Variants in ADGB observed in about 807,000 individuals in gnomAD.
ADGB encodes calpain-7-like protein.
ADGB carries 172 observed loss-of-function variants against 210.5 expected under a neutral mutation model. The observed-to-expected ratio is 0.82, with a 90% CI of 0.72 to 0.93. The LOEUF (loss-of-function observed/expected upper bound fraction) is 0.93. Ranked by LOEUF, ADGB falls within the 40% of genes least tolerant of loss-of-function variation. The probability of loss-of-function intolerance (pLI) is 0.00; values close to 1 mark genes in which losing one functional copy is unlikely to be tolerated. For missense variants in ADGB, 2,025 were observed against 1,964.8 expected, an observed-to-expected ratio of 1.03 and a Z score of -0.58; for synonymous variants, 658 against 662.7, an observed-to-expected ratio of 0.99 and a Z score of 0.11.
At chr6:146,764,715 T>G (rs1777547636) in intron 28 of ADGB, among the ~76,000 whole-genome samples, 2 of 152,218 alleles carry the variant, frequency 1.3e-5, no homozygotes, top group Admixed American at 1.3e-4. Flanking sequence ...TTAAACAAAC[T>G]GCTGTAGAAA....
At chr6:146,751,827 G>A (rs1777327385) in intron 26 of ADGB, among the ~76,000 whole-genome samples, 1 of 151,998 alleles carries the variant, frequency 6.6e-6, no homozygotes, top group Non-Finnish European at 1.5e-5. Flanking sequence ...AGTTTTATAA[G>A]TGACTGCTTA....
intron 33 of ADGB, among the ~76,000 whole-genome samples, chr6:146,791,921 CTTTTTTTTTTT>C (rs66891404): frequency 1.8e-5 from 2 of 112,492 alleles, no homozygotes; most frequent in Non-Finnish European, 3.5e-5. Context: ...CTGCACCTTG[CTTTTTTTTTTT>C]TTTTTTTTTT....
chr6:146,701,471 G>T (rs1283381009), intron 13 of ADGB, among the ~76,000 whole-genome samples: 1 of 151,930 alleles, frequency 6.6e-6, no homozygotes, highest in African/African-American at 2.4e-5. Context: ...CACAGTGTTA[G>T]TGGCTGTATT....
At chr6:146,671,539 G>T (rs1776008760) in intron 7 of ADGB, among the ~76,000 whole-genome samples, 2 of 152,116 alleles carry the variant, frequency 1.3e-5, no homozygotes, top group Admixed American at 6.6e-5. Flanking sequence ...CCTGTTAGGT[G>T]GTTGTATGTG....
chr6:146,673,514 A>G (rs1776044483), intron 8 of ADGB, among the ~76,000 whole-genome samples: 1 of 152,250 alleles, frequency 6.6e-6, no homozygotes, highest in Non-Finnish European at 1.5e-5. Context: ...GGACTTTAGG[A>G]CTTATAATGG....
chr6:146,747,796 T>G (rs1196009333), intron 26 of ADGB, among the ~76,000 whole-genome samples: 1 of 148,646 alleles, frequency 6.7e-6, no homozygotes, highest in Non-Finnish European at 1.5e-5. Context: ...TTTTTTTTTT[T>G]GAGACAGAGT....
chr6:146,673,469 G>A (rs1168168437), intron 8 of ADGB, among the ~76,000 whole-genome samples: 2 of 152,116 alleles, frequency 1.3e-5, no homozygotes, highest in African/African-American at 4.8e-5. Flanking sequence ...AAGTTTTTGT[G>A]ACAACAGCCA....
chr6:146,608,693 C>T (rs1236560931), intron 1 of ADGB, among the ~76,000 whole-genome samples: 2 of 151,956 alleles, frequency 1.3e-5, no homozygotes, highest in African/African-American at 4.8e-5. Flanking sequence ...TTTTAGAGAT[C>T]TTGGTTTTGA....
intron 23 of ADGB, 146 bp from the exon 24 acceptor site, chr6:146,740,313 C>T (rs572085880): frequency 1.4e-6 from 1 of 713,970 alleles, no homozygotes; most frequent in African/African-American, 1.8e-5. Context: ...TCAGGGACTA[C>T]ACAGACCCCC....
chr6:146,758,089 C>A (rs565611711), intron 27 of ADGB, among the ~76,000 whole-genome samples: 1 of 152,058 alleles, frequency 6.6e-6, no homozygotes, highest in East Asian at 1.9e-4. Context: ...TCCTTCACCC[C>A]TGAATATCTC....
intron 20 of ADGB, among the ~76,000 whole-genome samples, chr6:146,732,872 T>G (rs900019782): frequency 3.9e-5 from 6 of 152,186 alleles, no homozygotes; most frequent in Admixed American, 3.9e-4. Context: ...ACCAGTTTAA[T>G]GCTGTATTTT....
At chr6:146,804,071 C>CAT (rs1387643339) in intron 35 of ADGB, among the ~76,000 whole-genome samples, 1 of 152,108 alleles carries the variant, frequency 6.6e-6, no homozygotes, top group Non-Finnish European at 1.5e-5. Context: ...TATTGTCATC[C>CAT]GTTCACCCCA....
Position 146,741,161 on chromosome 6 carries a change from G to T in ADGB, c.3067G>T (p.Val1023Leu). The T allele has an allele frequency of 6.5e-7, 1 of 1,546,198 alleles. No individual in the cohort carries two copies. Among genetic ancestry groups the T allele is most frequent in the Non-Finnish European group, 8.7e-7 (1 of 1,144,746 alleles). Reference protein sequence around the residue: ...VHQDMILVPKVYTTLPICILH... With the variant: ...VHQDMILVPKLYTTLPICILH... ...TCAAGACATGATTTTGGTTCCCAAA[G>T]TATATACTACACTTCCAATCTGTAT... Residue 1023 changes from valine (V) to leucine (L), a missense_variant, in exon 25 of 36, where the codon GTA (valine) becomes TTA (leucine). Coordinates refer to ENST00000397944, the MANE Select transcript of ADGB (RefSeq NM_024694.4).
intron 28 of ADGB, among the ~76,000 whole-genome samples, 166 bp downstream of exon 28, chr6:146,764,266 T>C (rs376979252): frequency 3.3e-4 from 51 of 152,354 alleles, no homozygotes; most frequent in African/African-American, 1.2e-3. Flanking sequence ...CCAAGATCTT[T>C]AAATACATCT....
chr6:146,803,539 T>A, intron 35 of ADGB: 1 of 1,583,682 alleles, frequency 6.3e-7, no homozygotes, highest in South Asian at 1.1e-5. Flanking sequence ...TTTCACAGTT[T>A]GTCCAACTGT....
chr6:146,614,833 T>C (rs1780767187), intron 1 of ADGB, among the ~76,000 whole-genome samples: 1 of 152,186 alleles, frequency 6.6e-6, no homozygotes, highest in Non-Finnish European at 1.5e-5. Context: ...CTTATAATCA[T>C]GGCAGAATGT....
At chr6:146,674,202 G>A (rs1196721679) in intron 8 of ADGB, among the ~76,000 whole-genome samples, 2 of 152,150 alleles carry the variant, frequency 1.3e-5, no homozygotes, top group Non-Finnish European at 2.9e-5. Flanking sequence ...TACATTGGAG[G>A]GGAGTAAGAA....
chr6:146,715,525 T>C (rs1046265443), intron 14 of ADGB, 110 bp downstream of exon 14: 3 of 666,844 alleles, frequency 4.5e-6, no homozygotes, highest in African/African-American at 3.8e-5. Context: ...TTCTTCAGTG[T>C]CTCCTTTGAT....
chr6:146,786,165 GTA>G lies in ADGB; in HGVS notation c.4315+465_4315+466del, dbSNP rs200236987. On this transcript the variant is annotated intron_variant, in intron 32 of 35. Transcript: ENST00000397944. ...ATATTATTTATATATATTTAAGTTA[GTA>G]TATATATATATTTAAGTATATATTA... Among the ~76,000 whole-genome samples, 10 of 38,586 alleles carry G rather than the reference GTA, an allele frequency of 2.6e-4. No individual in the cohort carries two copies. The South Asian group carries it at 2.7e-3, about 10-fold the overall frequency. The allele number at this position is 38,586 out of a possible 152,430, so 25.3% of individuals were successfully genotyped here.
Sources: gnomAD v4.1 joint callset for allele counts (sites outside exome capture counted in the v4.1 genomes callset) on GRCh38, gnomAD v4.1.1 for gene constraint, MANE v1.5 for transcripts, NCBI Gene and HGNC (gene_info 2026-07-23, HGNC 2026-07-21) for gene names.